CDH4: variants seen among roughly 807,000 people sequenced by gnomAD.
CDH4 encodes the protein cadherin 4.
In CDH4, 33 loss-of-function variants were observed where a neutral mutation model predicts 86.0. The ratio of observed to expected loss-of-function variants is 0.38; its 90% CI spans 0.29 to 0.51. The LOEUF is 0.51. CDH4 is among the 20% of genes least tolerant of loss of function. The pLI, the probability that CDH4 is intolerant of heterozygous loss-of-function variation, is 0.86. For synonymous variants in CDH4, 555 were observed against 549.4 expected (o/e 1.01, Z -0.14); for missense variants, 1,114 against 1,307.4 (o/e 0.85, Z 2.28).
chr20:61,715,061 C>T (rs1034552708), intron 2 of CDH4, among the ~76,000 whole-genome samples: 15 of 152,312 alleles, frequency 9.8e-5, no homozygotes, highest in African/African-American at 2.9e-4. Flanking sequence ...ACCACATCCA[C>T]GCCAACATCT....
chr20:61,881,231 G>A (rs142678263), intron 7 of CDH4, among the ~76,000 whole-genome samples: 112 of 152,342 alleles, frequency 7.4e-4, no homozygotes, highest in African/African-American at 2.6e-3. Context: ...TTCTCCCACC[G>A]TGGGGCCACG....
chr20:61,884,583 G>C (rs576696774), intron 7 of CDH4, among the ~76,000 whole-genome samples: 1 of 152,170 alleles, frequency 6.6e-6, no homozygotes. Context: ...CACCCAGCGA[G>C]GGGCTCCATG....
At chr20:61,649,897 C>T (rs894566395) in intron 2 of CDH4, among the ~76,000 whole-genome samples, 3 of 152,202 alleles carry the variant, frequency 2.0e-5, no homozygotes, top group Non-Finnish European at 2.9e-5. Flanking sequence ...ACCTCCAGGA[C>T]GCTGAGCTAT....
intron 2 of CDH4, among the ~76,000 whole-genome samples, chr20:61,574,768 C>T (rs1176159520): frequency 6.6e-6 from 1 of 152,150 alleles, no homozygotes; most frequent in Non-Finnish European, 1.5e-5. Context: ...CAGCTCTTCT[C>T]TGTGGGCTCT....
At chr20:61,870,130 C>T (rs567420620) in intron 6 of CDH4, among the ~76,000 whole-genome samples, 144 of 152,326 alleles carry the variant, frequency 9.5e-4, no homozygotes, top group African/African-American at 3.4e-3. Context: ...GTCCCTCCAC[C>T]TCCCCCAGCC....
intron 2 of CDH4, among the ~76,000 whole-genome samples, chr20:61,433,820 T>G (rs2085264493): frequency 6.6e-6 from 1 of 152,174 alleles, no homozygotes; most frequent in Non-Finnish European, 1.5e-5. Context: ...AAGGGTGTGA[T>G]GTAGACTCCT....
intron 2 of CDH4, among the ~76,000 whole-genome samples, chr20:61,524,807 A>T (rs1420811392): frequency 1.3e-5 from 2 of 152,168 alleles, no homozygotes; most frequent in Non-Finnish European, 2.9e-5. Flanking sequence ...TAAAATTTTT[A>T]AATGCATTTT....
At position 61,754,152 on chromosome 20, in the gene CDH4, C is replaced by T. The variant is rs1294221703; in HGVS notation, c.396+10363C>T. 3.9e-5 allele frequency among the ~76,000 whole-genome samples: 6 copies of T among 152,142 alleles called. No individual in the cohort carries two copies. The highest frequency in any genetic ancestry group is 3.9e-4 in the Admixed American group (6 of 15,280). On this transcript the variant is annotated intron_variant, in intron 3 of 15. Coordinates refer to ENST00000614565, the MANE Select transcript of CDH4 (RefSeq NM_001794.5). The surrounding 1 kb of genome is among the most constrained non-coding windows in gnomAD (Gnocchi z 4.7). ...GAGCAGATTCTCCTGCACAGCCTCC[C>T]AGGGACCAGTGCTGCAACATCTTGA... is the stretch of plus-strand genomic sequence containing the variant.
At chr20:61,414,519 C>T (rs1297614251) in intron 2 of CDH4, among the ~76,000 whole-genome samples, 1 of 152,204 alleles carries the variant, frequency 6.6e-6, no homozygotes, top group Admixed American at 6.5e-5. Flanking sequence ...TGCCGACCAG[C>T]TCCCGGCAAA....
At chr20:61,786,882 C>T (rs1978906711) in intron 4 of CDH4, among the ~76,000 whole-genome samples, 1 of 152,156 alleles carries the variant, frequency 6.6e-6, no homozygotes, top group African/African-American at 2.4e-5. Context: ...GGTGCTAATG[C>T]GTGGGCTCCC....
At chr20:61,820,652 C>G (rs117855952) in intron 4 of CDH4, among the ~76,000 whole-genome samples, 3,846 of 152,292 alleles carry the variant, frequency 0.025, 95 homozygotes, top group Non-Finnish European at 0.037. Context: ...AGCATCGCCG[C>G]CCCCCATCCC....
intron 4 of CDH4, among the ~76,000 whole-genome samples, chr20:61,802,555 A>C (rs1167302108): frequency 6.6e-6 from 1 of 152,202 alleles, no homozygotes; most frequent in African/African-American, 2.4e-5. Flanking sequence ...TTGGGGAAAA[A>C]AAAAACAACT....
At chr20:61,871,039 A>ATGTG (rs10590544) in intron 6 of CDH4, among the ~76,000 whole-genome samples, 4,120 of 149,740 alleles carry the variant, frequency 0.028, 90 homozygotes, top group South Asian at 0.11. Context: ...TATTTATAGG[A>ATGTG]TGTGTGTGTG....
At chr20:61,936,611 T>G in intron 15 of CDH4, 126 bp from the exon 16 acceptor site, 1 of 633,126 alleles carries the variant, frequency 1.6e-6, no homozygotes, top group East Asian at 3.4e-5. Flanking sequence ...GAGCCCTTAT[T>G]GGACACCTAC....
intron 3 of CDH4, among the ~76,000 whole-genome samples, chr20:61,759,064 A>G (rs554786406): frequency 6.6e-6 from 1 of 152,298 alleles, no homozygotes; most frequent in East Asian, 1.9e-4. Context: ...GTGTGCACGC[A>G]TGTGCATATT....
chr20:61,642,464 A>G (rs1309209004), intron 2 of CDH4, among the ~76,000 whole-genome samples: 1 of 152,204 alleles, frequency 6.6e-6, no homozygotes, highest in Non-Finnish European at 1.5e-5. Flanking sequence ...GAAGGTGATC[A>G]AAGATGAGAA....
chr20:61,668,491 G>A (rs1356828646), intron 2 of CDH4, among the ~76,000 whole-genome samples: 1 of 152,214 alleles, frequency 6.6e-6, no homozygotes, highest in Non-Finnish European at 1.5e-5. Context: ...GCTGTCGTGG[G>A]GCGTGCTCAC....
chr20:61,560,688 C>T (rs528514284), intron 2 of CDH4, among the ~76,000 whole-genome samples: 90 of 152,356 alleles, frequency 5.9e-4, no homozygotes, highest in Admixed American at 9.1e-4. Flanking sequence ...GAATGCTGCC[C>T]AGCAGGGCTT....
At chr20:61,688,990 C>T (rs2087621811) in intron 2 of CDH4, among the ~76,000 whole-genome samples, 1 of 152,254 alleles carries the variant, frequency 6.6e-6, no homozygotes, top group Admixed American at 6.5e-5. Context: ...GAAAGCCCCA[C>T]TGGACCTGCC....
Sources: allele counts gnomAD v4.1 joint callset (sites outside exome capture counted in the v4.1 genomes callset), GRCh38; gene constraint gnomAD v4.1.1; non-coding constraint Gnocchi (gnomAD v3.1); transcripts MANE v1.5; gene names NCBI Gene and HGNC (gene_info 2026-07-23, HGNC 2026-07-21).